Variants in RNASEK observed in about 807,000 individuals in gnomAD.
RNASEK encodes the protein ribonuclease kappa.
RNASEK carries 7 observed loss-of-function variants against 11.2 expected under a neutral mutation model. That is an observed-to-expected ratio of 0.62 (90% CI 0.35 to 1.17). The LOEUF (loss-of-function observed/expected upper bound fraction) is 1.17, where lower values mean the gene tolerates loss of function less well. Ranked by LOEUF, RNASEK falls within the 50% of genes most tolerant of loss-of-function variation. The pLI is 0.02. For missense variants in RNASEK, 101 were observed against 126.7 expected, an observed-to-expected ratio of 0.80 and a Z score of 0.97; for synonymous variants, 46 against 49.5, an observed-to-expected ratio of 0.93 and a Z score of 0.30.
At chr17:7,013,438 G>A in intron 1 of RNASEK, 1 of 1,537,018 alleles carries the variant, frequency 6.5e-7, no homozygotes, top group Non-Finnish European at 8.7e-7. Flanking sequence ...CTGGGTTCCT[G>A]GGAGAGATGG....
intron 2 of RNASEK, 179 bp from the exon 3 acceptor site, chr17:7,013,966 C>T (rs1368140425): frequency 1.4e-5 from 10 of 719,702 alleles, no homozygotes; most frequent in Non-Finnish European, 2.3e-5. Flanking sequence ...TTTTACTTTT[C>T]TGTGCTTCTC....
intron 2 of RNASEK, 52 bp downstream of exon 2, chr17:7,013,794 G>T: frequency 7.2e-7 from 1 of 1,380,118 alleles, no homozygotes; most frequent in East Asian, 2.3e-5. Flanking sequence ...AGGTGGCGAG[G>T]CCTAGGGTCA....
At chr17:7,013,412 CAG>C (rs532606381) in intron 1 of RNASEK, 265 of 1,535,832 alleles carry the variant, frequency 1.7e-4, no homozygotes, top group Non-Finnish European at 2.2e-4. Flanking sequence ...ATGACGCCTC[CAG>C]AGAGGACGAT....
Position 7,014,011 on chromosome 17 carries a change from A to G in RNASEK, c.156-134A>G. On this transcript the variant is annotated intron_variant, in intron 2 of 2. Transcript: ENST00000593646. This position sits in a 1 kb window ranked among gnomAD's most constrained non-coding sequence, Gnocchi z 4.5. ...CTGCAAAATGGCTATGACAGATCTC[A>G]CCCCATAGGATGGTCAAGAAGATTG... 1 of 860,436 alleles carries G rather than the reference A, an allele frequency of 1.2e-6. No individual in the cohort carries two copies. The highest frequency in any genetic ancestry group is 1.8e-6 in the Non-Finnish European group (1 of 543,478). 53.3% of individuals were successfully genotyped at this position (860,436 alleles called of 1,614,324 possible).
At chr17:7,012,897 C>A in intron 1 of RNASEK, 136 bp downstream of exon 1, 1 of 722,200 alleles carries the variant, frequency 1.4e-6, no homozygotes, top group Non-Finnish European at 2.2e-6. Context: ...AGGAGACAGA[C>A]TGAAATTGAA....
Position 7,012,650 on chromosome 17 carries a change from G to C in RNASEK, c.-34G>C. 6.2e-7 allele frequency: 1 copy of C among 1,610,384 alleles called. No individual in the cohort carries two copies. The highest frequency in any genetic ancestry group is 8.5e-7 in the Non-Finnish European group (1 of 1,179,600). On this transcript the variant is annotated 5_prime_UTR_variant, in exon 1 of 3. Transcript: ENST00000593646. ...CTTTCTCCCACCGCTTTCCGAGCCC[G>C]CTTGCACCTCGGCGATCCCCGACTC...
chr17:7,013,828 G>C (rs1909610992), intron 2 of RNASEK, 86 bp downstream of exon 2: 5 of 1,075,910 alleles, frequency 4.6e-6, no homozygotes, highest in Non-Finnish European at 5.8e-6. Flanking sequence ...GAGGCCCGGT[G>C]CTTAGGGCCC....
chr17:7,014,296 G>A lies in RNASEK; in HGVS notation c.*10G>A. The A allele has an allele frequency of 1.2e-6, 2 of 1,613,414 alleles. No individual in the cohort carries two copies. The highest frequency in any genetic ancestry group is 1.7e-6 in the Non-Finnish European group (2 of 1,179,786). ...ATACATGGTGCGCTAGGGCCCCGGC[G>A]CGTTTCCCCGCTCCAGCCCCTCCTC... is the stretch of plus-strand genomic sequence containing the variant. On this transcript the variant is annotated 3_prime_UTR_variant, in exon 3 of 3. Transcript: ENST00000593646. The surrounding 1 kb of genome is among the most constrained non-coding windows in gnomAD (Gnocchi z 4.5).
At chr17:7,013,491 T>G in intron 1 of RNASEK, 175 bp from the exon 2 acceptor site, 1 of 1,562,066 alleles carries the variant, frequency 6.4e-7, no homozygotes, top group Non-Finnish European at 8.6e-7. Context: ...CTTGTCTCAA[T>G]GTCACCACCT....
intron 1 of RNASEK, chr17:7,013,447 G>A: frequency 2.0e-6 from 3 of 1,537,954 alleles, no homozygotes; most frequent in South Asian, 1.2e-5. Context: ...TGGGAGAGAT[G>A]GCTTGGTCAC....
At position 7,014,515 on chromosome 17, in the gene RNASEK, G is replaced by A; in HGVS notation, c.*229G>A. ...TCGCTGTGTCCCGTATCTCAATAAA[G>A]AGAATCTGCTCTCTTCAGCCCTGTG... On this transcript the variant is annotated 3_prime_UTR_variant, in exon 3 of 3. Coordinates refer to ENST00000593646, the MANE Select transcript of RNASEK (RefSeq NM_001004333.5). The surrounding 1 kb of genome is among the most constrained non-coding windows in gnomAD (Gnocchi z 4.5). 1.6e-6 allele frequency: 1 copy of A among 612,228 alleles called. No individual in the cohort carries two copies. Among genetic ancestry groups the A allele is most frequent in the East Asian group, 2.7e-5 (1 of 36,410 alleles). 37.9% of individuals were successfully genotyped at this position (612,228 alleles called of 1,614,324 possible).
chr17:7,014,531 C>A lies in RNASEK; in HGVS notation c.*245C>A, dbSNP rs3180517. 0.15 allele frequency: 89,844 copies of A among 610,796 alleles called. 7,734 individuals carry two copies. The highest frequency in any genetic ancestry group is 0.33 in the Admixed American group (11,324 of 33,960). The allele number at this position is 610,796 out of a possible 1,614,324, so 37.8% of individuals were successfully genotyped here. ...CTCAATAAAGAGAATCTGCTCTCTT[C>A]AGCCCTGTGTCTGTGCTTGAGTGGG... On this transcript the variant is annotated 3_prime_UTR_variant, in exon 3 of 3. Transcript: ENST00000593646. The surrounding 1 kb of genome is among the most constrained non-coding windows in gnomAD (Gnocchi z 4.5).
chr17:7,014,312 GCCCCT>G lies in RNASEK; in HGVS notation c.*29_*33del, dbSNP rs774136570. ...GGCCCCGGCGCGTTTCCCCGCTCCA[GCCCCT>G]CCTCTATTTAAAGACTCCCTGCACC... On this transcript the variant is annotated 3_prime_UTR_variant, in exon 3 of 3. Coordinates refer to ENST00000593646, the MANE Select transcript of RNASEK (RefSeq NM_001004333.5). The surrounding 1 kb of genome is among the most constrained non-coding windows in gnomAD (Gnocchi z 4.5). The G allele has an allele frequency of 8.1e-6, 13 of 1,612,686 alleles. No homozygotes were observed. The South Asian group carries it at 1.1e-4, about 14-fold the overall frequency.
At position 7,014,112 on chromosome 17, in the gene RNASEK, A is replaced by T. The variant is rs57177126; in HGVS notation, c.156-33A>T. 2.1e-3 allele frequency: 3,304 copies of T among 1,550,428 alleles called. 58 individuals carry two copies. In the African/African-American group the frequency reaches 0.039, roughly 19 times the overall value. On this transcript the variant is annotated intron_variant, in intron 2 of 2. Transcript: ENST00000593646. This position sits in a 1 kb window ranked among gnomAD's most constrained non-coding sequence, Gnocchi z 4.5. ...CTCAGAAAATGTTGGCTCCTATTAA[A>T]GTTTGACCCCTTTGCTTCATTCCCA... is the stretch of plus-strand genomic sequence containing the variant.
intron 1 of RNASEK, 121 bp downstream of exon 1, chr17:7,012,882 G>C (rs1909509510): frequency 1.2e-6 from 1 of 805,564 alleles, no homozygotes; most frequent in Admixed American, 2.7e-5. Flanking sequence ...TACAGGCCCC[G>C]GAGAAGGAGA....
intron 2 of RNASEK, 169 bp downstream of exon 2, chr17:7,013,911 G>A: frequency 1.4e-6 from 1 of 712,996 alleles, no homozygotes. Flanking sequence ...TCAGACCTCA[G>A]CGGCCATCCC....
chr17:7,013,209 TAGG>T (rs974436976), intron 1 of RNASEK: 3 of 760,824 alleles, frequency 3.9e-6, no homozygotes, highest in Admixed American at 5.7e-5. Context: ...CCCCTCAAGG[TAGG>T]AGAAACAAGA....
chr17:7,013,608 G>C, intron 1 of RNASEK, 58 bp from the exon 2 acceptor site: 1 of 1,593,542 alleles, frequency 6.3e-7, no homozygotes, highest in Non-Finnish European at 8.6e-7. Context: ...AGGGGTTTAC[G>C]AAGTGAACAT....
chr17:7,013,194 G>T lies in RNASEK; in HGVS notation c.78+433G>T, dbSNP rs1199773445. 4 of 658,108 alleles carry T rather than the reference G, an allele frequency of 6.1e-6. No homozygotes were observed. The East Asian group carries it at 8.9e-5, about 15-fold the overall frequency. The allele number at this position is 658,108 out of a possible 1,614,324, so 40.8% of individuals were successfully genotyped here. A position where few individuals can be genotyped will look rare whatever the true frequency, so the allele number is the denominator to read the frequency against. The stretch of plus-strand genomic sequence containing the variant: ...GGGAGGAGCCAGGGCTGGTAAAGGT[G>T]GAGACCCCTCAAGGTAGGAGAAACA... On this transcript the variant is annotated intron_variant, in intron 1 of 2. Transcript: ENST00000593646.
Sources: allele counts gnomAD v4.1 joint callset, GRCh38; gene constraint gnomAD v4.1.1; non-coding constraint Gnocchi (gnomAD v3.1); transcripts MANE v1.5; gene names NCBI Gene and HGNC (gene_info 2026-07-23, HGNC 2026-07-21).